The following METTL15 variants were observed in gnomAD, a reference collection of about 807,000 sequenced individuals.
METTL15 encodes methyltransferase 15, mitochondrial 12S rRNA N4-cytidine, also known as 12S rRNA N(4)-cytidine methyltransferase METTL15.
Under a neutral mutation model 38.3 loss-of-function variants are expected in METTL15, and 34 were observed. The ratio of observed to expected loss-of-function variants is 0.89; its 90% confidence interval spans 0.68 to 1.18. The LOEUF (loss-of-function observed/expected upper bound fraction) is 1.18. Ranked by LOEUF, METTL15 falls within the 50% of genes most tolerant of loss-of-function variation. The probability of loss-of-function intolerance (pLI) is 0.00; values close to 1 mark genes in which losing one functional copy is unlikely to be tolerated. For synonymous variants in METTL15, 162 were observed against 170.9 expected, an observed-to-expected ratio of 0.95 and a Z score of 0.41; for missense variants, 438 against 498.4, an observed-to-expected ratio of 0.88 and a Z score of 1.15.
intron 6 of METTL15, among the ~76,000 whole-genome samples, chr11:28,525,854 G>A (rs1009422250): frequency 3.9e-5 from 6 of 152,224 alleles, no homozygotes; most frequent in Admixed American, 6.5e-5. Flanking sequence ...AGGGGGCGGC[G>A]CTTGTTGGGG....
At chr11:28,489,164 T>G (rs777337998) in intron 6 of METTL15, among the ~76,000 whole-genome samples, 1 of 152,140 alleles carries the variant, frequency 6.6e-6, no homozygotes, top group Admixed American at 6.5e-5. Context: ...CTCCTCTTGC[T>G]TTGGACAGCT....
chr11:28,251,321 T>C (rs943954108), intron 4 of METTL15, among the ~76,000 whole-genome samples: 9 of 152,048 alleles, frequency 5.9e-5, no homozygotes, highest in Admixed American at 2.0e-4. Context: ...TGCTTCAAAG[T>C]TTACAAATAA....
intron 3 of METTL15, among the ~76,000 whole-genome samples, chr11:28,203,184 G>T (rs1479456960): frequency 6.6e-6 from 1 of 151,972 alleles, no homozygotes; most frequent in Non-Finnish European, 1.5e-5. Flanking sequence ...CATGGGTCCT[G>T]ATTGCTCTAA....
At chr11:28,227,880 A>ATC (rs1853544614) in intron 4 of METTL15, among the ~76,000 whole-genome samples, 1 of 151,888 alleles carries the variant, frequency 6.6e-6, no homozygotes, top group South Asian at 2.1e-4. Flanking sequence ...TTGTTTCCTG[A>ATC]TCATTCTATT....
intron 3 of METTL15, among the ~76,000 whole-genome samples, chr11:28,179,952 T>C (rs910778889): frequency 1.3e-4 from 19 of 151,832 alleles, no homozygotes; most frequent in African/African-American, 3.4e-4. Context: ...TTCTGGTGTA[T>C]GGTATGTCAT....
chr11:28,335,457 TAGA>T (rs1377065012), downstream of METTL15, among the ~76,000 whole-genome samples: 9 of 152,168 alleles, frequency 5.9e-5, no homozygotes, highest in African/African-American at 2.2e-4. Context: ...GTGAATCAAA[TAGA>T]AGATAAATGT....
chr11:28,208,581 A>G (rs564238740), intron 3 of METTL15, among the ~76,000 whole-genome samples: 2 of 152,186 alleles, frequency 1.3e-5, no homozygotes, highest in South Asian at 4.1e-4. Context: ...AAAAATGTAT[A>G]TTCTATTGAT....
intron 4 of METTL15, among the ~76,000 whole-genome samples, chr11:28,256,502 T>A (rs558643003): frequency 6.6e-6 from 1 of 152,328 alleles, no homozygotes; most frequent in African/African-American, 2.4e-5. Context: ...TAGTCATTCA[T>A]AGTAGTCACT....
intron 5 of METTL15, among the ~76,000 whole-genome samples, chr11:28,392,121 AAAAC>A (rs1269370195): frequency 1.3e-5 from 2 of 152,198 alleles, no homozygotes; most frequent in Non-Finnish European, 2.9e-5. Flanking sequence ...TTTACAAGAA[AAAAC>A]AAACAACCCC....
rs1250193771 is a variant in METTL15 at position 28,231,558 on chromosome 11, T to G, written c.407+20360T>G. 2.0e-5 allele frequency among the ~76,000 whole-genome samples: 3 copies of G among 151,854 alleles called. No individual in the cohort carries two copies. The East Asian group carries it at 5.8e-4, about 29-fold the overall frequency. On this transcript the variant is annotated intron_variant, in intron 4 of 6. Transcript: ENST00000407364. ...TTTTCTGCTTACCACAGGAGGCCAT[T>G]GAGGATATGGCCTTTCTTTTCTCTA...
At chr11:28,438,687 T>C (rs1324945487) in intron 6 of METTL15, among the ~76,000 whole-genome samples, 1 of 146,816 alleles carries the variant, frequency 6.8e-6, no homozygotes, top group Non-Finnish European at 1.5e-5. Flanking sequence ...TTTTTTTTTT[T>C]TTTTGGAGAC....
chr11:28,501,467 G>A (rs1213154775), intron 6 of METTL15, among the ~76,000 whole-genome samples: 1 of 152,182 alleles, frequency 6.6e-6, no homozygotes, highest in Non-Finnish European at 1.5e-5. Flanking sequence ...AGGATGCAGA[G>A]GTTACTTGAG....
At chr11:28,520,525 G>C (rs1259963795) in intron 6 of METTL15, among the ~76,000 whole-genome samples, 1 of 152,128 alleles carries the variant, frequency 6.6e-6, no homozygotes, top group African/African-American at 2.4e-5. Flanking sequence ...CCACCCAAGA[G>C]ATATTACCTT....
chr11:28,222,330 G>A lies in METTL15; in HGVS notation c.407+11132G>A, dbSNP rs189985832. 3.5e-4 allele frequency among the ~76,000 whole-genome samples: 54 copies of A among 152,264 alleles called. No homozygotes were observed. In the Middle Eastern group the frequency reaches 0.02, roughly 58 times the overall value. On this transcript the variant is annotated intron_variant, in intron 4 of 6. Coordinates refer to ENST00000407364, the MANE Select transcript of METTL15 (RefSeq NM_001113528.2). Reference sequence around the variant, plus strand: ...CTGTGCTAGCAATGAGTGAGGCTCCGTGGGCATAGGACCCTCCTAGCCATG... The same window carrying A: ...CTGTGCTAGCAATGAGTGAGGCTCCATGGGCATAGGACCCTCCTAGCCATG...
At chr11:28,165,870 A>G (rs1461180438) in intron 3 of METTL15, among the ~76,000 whole-genome samples, 4 of 152,080 alleles carry the variant, frequency 2.6e-5, no homozygotes, top group Non-Finnish European at 5.9e-5. Flanking sequence ...CTTCTGTATG[A>G]AGATATCCAG....
chr11:28,214,697 G>A (rs1166462503), intron 4 of METTL15, among the ~76,000 whole-genome samples: 1 of 152,114 alleles, frequency 6.6e-6, no homozygotes, highest in African/African-American at 2.4e-5. Context: ...GATGTAAATA[G>A]GATTTTTCTA....
intron 3 of METTL15, among the ~76,000 whole-genome samples, chr11:28,162,461 A>G (rs1240442905): frequency 1.1e-4 from 17 of 152,116 alleles, no homozygotes. Flanking sequence ...TGATCTAAGC[A>G]TGTGTTTTCA....
chr11:28,368,128 CAA>C (rs796151908), intron 5 of METTL15, among the ~76,000 whole-genome samples: 4 of 32,576 alleles, frequency 1.2e-4, no homozygotes, highest in Non-Finnish European at 1.7e-4. Flanking sequence ...TTCTGCATAG[CAA>C]AAAAAAAAAA....
intron 6 of METTL15, among the ~76,000 whole-genome samples, chr11:28,478,532 A>G (rs775805616): frequency 1.3e-5 from 2 of 152,136 alleles, no homozygotes; most frequent in Non-Finnish European, 2.9e-5. Flanking sequence ...ACCTTCCTCC[A>G]GAGCCTCTTG....
Sources: gnomAD v4.1 joint callset for allele counts (sites outside exome capture counted in the v4.1 genomes callset) on GRCh38, gnomAD v4.1.1 for gene constraint, MANE v1.5 for transcripts, NCBI Gene and HGNC (gene_info 2026-07-23, HGNC 2026-07-21) for gene names.